NFX1: variants seen among roughly 807,000 people sequenced by gnomAD.
NFX1 encodes the protein transcriptional repressor NF-X1.
Under a neutral mutation model 137.2 loss-of-function variants are expected in NFX1, and 69 were observed. The ratio of observed to expected loss-of-function variants is 0.50; its 90% CI spans 0.41 to 0.61. The LOEUF (loss-of-function observed/expected upper bound fraction) is 0.61. Ranked by LOEUF, NFX1 falls within the 20% of genes least tolerant of loss-of-function variation. The probability of loss-of-function intolerance (pLI) is 0.00; values close to 1 mark genes in which losing one functional copy is unlikely to be tolerated. For missense variants in NFX1, 1,167 were observed against 1,391.0 expected, an observed-to-expected ratio of 0.84 and a Z score of 2.56; for synonymous variants, 495 against 474.1, an observed-to-expected ratio of 1.04 and a Z score of -0.57.
At chr9:33,360,452 T>A (rs567192953) in intron 19 of NFX1, among the ~76,000 whole-genome samples, 19 of 152,302 alleles carry the variant, frequency 1.2e-4, no homozygotes, top group Non-Finnish European at 2.6e-4. Flanking sequence ...ACTCAGTAAA[T>A]GTTATTGATT....
intron 18 of NFX1, 74 bp from the exon 19 acceptor site, chr9:33,354,777 A>T: frequency 1.4e-6 from 2 of 1,386,266 alleles, no homozygotes; most frequent in African/African-American, 2.9e-5. Flanking sequence ...GTTGACTGAG[A>T]CTTCCTTTTC....
intron 19 of NFX1, among the ~76,000 whole-genome samples, chr9:33,358,389 G>C (rs980018693): frequency 6.6e-6 from 1 of 152,040 alleles, no homozygotes; most frequent in African/African-American, 2.4e-5. Context: ...CTCCCAGAGT[G>C]CTGGGATTAC....
At chr9:33,357,171 G>T (rs879902559) in intron 19 of NFX1, among the ~76,000 whole-genome samples, 2 of 151,802 alleles carry the variant, frequency 1.3e-5, no homozygotes, top group Admixed American at 1.3e-4. Context: ...GCATGGTGGC[G>T]GGCACTTGTA....
intron 5 of NFX1, among the ~76,000 whole-genome samples, chr9:33,308,725 C>T (rs1001958104): frequency 1.3e-5 from 2 of 152,114 alleles, no homozygotes; most frequent in African/African-American, 4.8e-5. Flanking sequence ...CTATGCGGCT[C>T]GATATAGAGT....
At chr9:33,323,849 A>G (rs1340360390) in intron 9 of NFX1, among the ~76,000 whole-genome samples, 1 of 152,204 alleles carries the variant, frequency 6.6e-6, no homozygotes, top group African/African-American at 2.4e-5. Context: ...TGTGAAGATG[A>G]TGTCTTATCA....
chr9:33,295,115 T>C lies in NFX1; in HGVS notation c.721T>C (p.Tyr241His). ...AGCCAGACGAAATGAGCAGAGAAGA[T>C]ACCCACAGAAAAGGCCTCCCTGGGA... ...YGARRNEQRR[Y>H]PQKRPPWEVE... is the part of the protein sequence containing the mutation. The change falls in exon 2 of 24, where the codon TAC becomes CAC. Residue 241 changes from tyrosine to histidine, a missense_variant. Around this residue, in one of 3 missense-constraint regions of NFX1, gnomAD observed 367 missense variants for 386.7 expected, o/e 0.95. Transcript: ENST00000379540. 1 of 1,613,844 alleles carries C rather than the reference T, an allele frequency of 6.2e-7. No individual in the cohort carries two copies. Among genetic ancestry groups the C allele is most frequent in the Non-Finnish European group, 8.5e-7 (1 of 1,179,982 alleles).
intron 1 of NFX1, among the ~76,000 whole-genome samples, chr9:33,290,918 A>G (rs1821135681): frequency 6.6e-6 from 1 of 152,204 alleles, no homozygotes; most frequent in Non-Finnish European, 1.5e-5. Context: ...GGCGTCGGCC[A>G]GGTCACAGCC....
rs1824094315 is a variant in NFX1 at position 33,364,001 on chromosome 9, C to G, written c.2874-9C>G. 1.3e-6 allele frequency: 2 copies of G among 1,560,000 alleles called. No individual in the cohort carries two copies. Among genetic ancestry groups the G allele is most frequent in the East Asian group, 4.7e-5 (2 of 42,424 alleles). ...TCCTTTTATTTGCATACCTCTCTCT[C>G]TCTTTCAGGAGATTAGCAGAGGCAT... On this transcript the variant is annotated splice_polypyrimidine_tract_variant and intron_variant, in intron 19 of 23. Coordinates refer to ENST00000379540, the MANE Select transcript of NFX1 (RefSeq NM_002504.6).
chr9:33,369,589 GC>G (rs1207128869), intron 23 of NFX1, among the ~76,000 whole-genome samples: 3 of 152,132 alleles, frequency 2.0e-5, no homozygotes, highest in Non-Finnish European at 2.9e-5. Context: ...AACTGTGAAG[GC>G]AGAGTAAAAT....
At position 33,297,119 on chromosome 9, in the gene NFX1, C is replaced by T. The variant is rs187741977; in HGVS notation, c.1033+1692C>T. 4.7e-4 allele frequency among the ~76,000 whole-genome samples: 72 copies of T among 152,296 alleles called. 2 individuals carry two copies. The highest frequency in any genetic ancestry group is 2.2e-3 in the Admixed American group (34 of 15,302). Reference sequence around the variant, plus strand: ...AACTAGTCTGTCTTCTCACAGCTCCCCCTCTCCTTACTGCAAATCAGCTTT... The same window carrying T: ...AACTAGTCTGTCTTCTCACAGCTCCTCCTCTCCTTACTGCAAATCAGCTTT... On this transcript the variant is annotated intron_variant, in intron 2 of 23. Coordinates refer to ENST00000379540, the MANE Select transcript of NFX1 (RefSeq NM_002504.6).
Position 33,354,884 on chromosome 9 carries a change from A to G in NFX1, c.2865A>G (p.Glu955=). 2 of 1,613,950 alleles carry G rather than the reference A, an allele frequency of 1.2e-6. No homozygotes were observed. The highest frequency in any genetic ancestry group is 1.7e-6 in the Non-Finnish European group (2 of 1,179,960). ...GTGATGAGGAGTGTTCAGCCTTGGA[A>G]AGGAAAAAGTAAGTAGTTGCAGCTG... ...LECDEECSAL[E]RKKRLAEAFH... The change falls in exon 19 of 24, where the codon GAA becomes GAG. Residue 955 remains glutamate (E), a synonymous_variant. Transcript: ENST00000379540.
rs1288204132 is a variant in NFX1 at position 33,294,677 on chromosome 9, T to G, written c.283T>G (p.Ser95Ala). The change falls in exon 2 of 24, where the codon TCG (serine) becomes GCG (alanine). Residue 95 changes from serine (S) to alanine (A), a missense_variant. This residue lies in a region of NFX1 where 367 missense variants were observed against 386.7 expected (regional missense o/e 0.95). Coordinates refer to ENST00000379540, the MANE Select transcript of NFX1 (RefSeq NM_002504.6). ...TSFQSSPCNKSPKSHGLQNQP... is the reference protein window; with the variant it reads ...TSFQSSPCNKAPKSHGLQNQP... ...TTTCCAGTCCTCTCCTTGTAATAAA[T>G]CGCCCAAGAGCCATGGCCTTCAGAA... 1.2e-6 allele frequency: 2 copies of G among 1,614,088 alleles called. No homozygotes were observed. The highest frequency in any genetic ancestry group is 1.7e-6 in the Non-Finnish European group (2 of 1,180,020).
intron 12 of NFX1, 139 bp from the exon 13 acceptor site, chr9:33,342,607 T>A (rs1823268905): frequency 1.5e-6 from 1 of 650,666 alleles, no homozygotes; most frequent in South Asian, 2.1e-5. Context: ...CTCTCCCTTC[T>A]GTGGCTATTT....
intron 13 of NFX1, among the ~76,000 whole-genome samples, chr9:33,343,792 T>C (rs1368701388): frequency 6.6e-6 from 1 of 152,198 alleles, no homozygotes; most frequent in Non-Finnish European, 1.5e-5. Context: ...GTCATTAATA[T>C]AATCTCCAGT....
At chr9:33,358,778 T>C (rs1488173078) in intron 19 of NFX1, among the ~76,000 whole-genome samples, 1 of 144,846 alleles carries the variant, frequency 6.9e-6, no homozygotes, top group East Asian at 2.2e-4. Flanking sequence ...TCCTCCCACC[T>C]CACCTCCCAA....
chr9:33,334,336 A>G (rs2118510952), intron 11 of NFX1, among the ~76,000 whole-genome samples: 1 of 152,302 alleles, frequency 6.6e-6, no homozygotes, highest in African/African-American at 2.4e-5. Flanking sequence ...ATGTGCCCAT[A>G]GTCCTAGATA....
At chr9:33,364,868 G>C in intron 21 of NFX1, 94 bp downstream of exon 21, 1 of 1,539,980 alleles carries the variant, frequency 6.5e-7, no homozygotes, top group Admixed American at 2.2e-5. Context: ...TCAACCTAGA[G>C]TAGTTGTAGG....
At chr9:33,325,621 G>A (rs762447698) in intron 9 of NFX1, among the ~76,000 whole-genome samples, 3 of 152,004 alleles carry the variant, frequency 2.0e-5, no homozygotes, top group Non-Finnish European at 4.4e-5. Context: ...CCGAGATTGC[G>A]CCACTGCACT....
At chr9:33,329,057 C>T (rs1305541411) in intron 10 of NFX1, among the ~76,000 whole-genome samples, 1 of 152,180 alleles carries the variant, frequency 6.6e-6, no homozygotes, top group Non-Finnish European at 1.5e-5. Flanking sequence ...GGTGGTTACA[C>T]TCATGGTTAG....
Sources: gnomAD v4.1 joint callset for allele counts (sites outside exome capture counted in the v4.1 genomes callset) on GRCh38, gnomAD v4.1.1 for gene constraint, gnomAD v4.1.1 regional missense constraint, MANE v1.5 for transcripts, NCBI Gene and HGNC (gene_info 2026-07-23, HGNC 2026-07-21) for gene names.